Variants in PASD1 observed in about 807,000 individuals in gnomAD.
PASD1 encodes PAS domain containing repressor 1.
A neutral mutation model predicts 58.8 loss-of-function variants in PASD1; 13 were observed. The ratio of observed to expected loss-of-function variants is 0.22; its 90% confidence interval spans 0.14 to 0.35. The LOEUF is 0.35. PASD1 is among the 10% of genes least tolerant of loss of function. PASD1 has a pLI of 1.00. For synonymous variants in PASD1, 236 were observed against 216.7 expected (o/e 1.09, Z -0.78); for missense variants, 734 against 568.3 (o/e 1.29, Z -2.96).
intron 1 of PASD1, among the ~76,000 whole-genome samples, chrX:151,579,265 G>A (rs895944344): frequency 1.8e-5 from 2 of 112,014 alleles, no homozygotes; most frequent in Non-Finnish European, 3.8e-5. Flanking sequence ...ACCGGTAAAG[G>A]CTTCAAGTTT....
intron 14 of PASD1, chrX:151,673,625 C>G (rs758162107): frequency 5.7e-6 from 2 of 352,397 alleles, no homozygotes; most frequent in Non-Finnish European, 9.9e-6. Context: ...TGAGTGCTTT[C>G]AAAGTAGGTG....
chrX:151,620,035 C>A (rs1449272950), intron 4 of PASD1, among the ~76,000 whole-genome samples: 1 of 111,180 alleles, frequency 9.0e-6, no homozygotes, highest in African/African-American at 3.3e-5. Context: ...GAAGGTTATG[C>A]GTTTTTAGAA....
At chrX:151,591,693 AG>A (rs1308799206) in intron 1 of PASD1, among the ~76,000 whole-genome samples, 7 of 111,600 alleles carry the variant, frequency 6.3e-5, no homozygotes, top group Non-Finnish European at 1.3e-4. Flanking sequence ...AAAGTCCATT[AG>A]CAGTTAGGTG....
At chrX:151,583,158 T>C (rs759489313) in intron 1 of PASD1, among the ~76,000 whole-genome samples, 2 of 111,698 alleles carry the variant, frequency 1.8e-5, no homozygotes, top group Non-Finnish European at 3.8e-5. Context: ...GGCAGTACAC[T>C]ACAGCAAGTG....
In PASD1 at chrX:151,620,941, G is replaced by A. The variant is rs779829971; in HGVS notation, c.219G>A (p.Val73=). ...TCCTCTCCTGCCAGGCTGAGATTGT[G>A]GGCAAAAAATTATTAAGCCTTCTGC... ...SLLGHLPAEI[V]GKKLLSLLPD... Residue 73 remains valine, a synonymous_variant, in exon 5 of 16, where the codon GTG becomes GTA. Coordinates refer to ENST00000370357, the MANE Select transcript of PASD1 (RefSeq NM_173493.3). 1.0e-5 allele frequency: 12 copies of A among 1,204,916 alleles called. No homozygotes were observed. The highest frequency in any genetic ancestry group is 8.9e-5 in the South Asian group (5 of 55,918).
At chrX:151,594,483 A>T (rs1056524082) in intron 1 of PASD1, among the ~76,000 whole-genome samples, 5 of 111,369 alleles carry the variant, frequency 4.5e-5, no homozygotes, top group African/African-American at 1.3e-4. Context: ...GCAGTTTGTC[A>T]TATACATCTT....
intron 1 of PASD1, among the ~76,000 whole-genome samples, chrX:151,572,307 A>G (rs1358942233): frequency 9.0e-6 from 1 of 111,647 alleles, no homozygotes; most frequent in Non-Finnish European, 1.9e-5. Flanking sequence ...AACACCAGAC[A>G]CAGTGCCTTG....
chrX:151,637,095 T>TTGCA (rs2013940360), intron 8 of PASD1, among the ~76,000 whole-genome samples: 1 of 112,521 alleles, frequency 8.9e-6, no homozygotes, highest in Non-Finnish European at 1.9e-5. Flanking sequence ...TACTGATGAG[T>TTGCA]TGCATTTCAT....
intron 11 of PASD1, among the ~76,000 whole-genome samples, chrX:151,668,040 A>C (rs771841290): frequency 2.7e-4 from 30 of 111,269 alleles, no homozygotes; most frequent in Non-Finnish European, 5.5e-4. Context: ...TTGCAACACT[A>C]TGTTGAATAG....
At chrX:151,566,312 T>TAA (rs1462104770) in intron 1 of PASD1, among the ~76,000 whole-genome samples, 2 of 112,573 alleles carry the variant, frequency 1.8e-5, no homozygotes, top group African/African-American at 6.5e-5. Context: ...GTGATCAATT[T>TAA]ACCCTGGGTT....
chrX:151,618,855 G>A (rs1039802540), intron 4 of PASD1, among the ~76,000 whole-genome samples: 4 of 111,228 alleles, frequency 3.6e-5, no homozygotes, highest in South Asian at 3.8e-4. Context: ...GAGAGAGAGA[G>A]AGAGAAAGCA....
rs1317663794 is a variant in PASD1 at position 151,671,863 on chromosome X, G to A, written c.1437+84G>A. The A allele has an allele frequency of 8.1e-6, 8 of 991,690 alleles. No individual in the cohort carries two copies. The East Asian group carries it at 2.5e-4, about 31-fold the overall frequency. The allele number at this position is 991,690 out of a possible 1,213,427, so 81.7% of individuals were successfully genotyped here. A position where few individuals can be genotyped will look rare whatever the true frequency, so the allele number is the denominator to read the frequency against. ...TTGACTCACTTGGTTCTCCTTAGGGGGTAGTGACTATCCACTTGGCTGCAA... is the reference window on the plus strand; with the variant it reads ...TTGACTCACTTGGTTCTCCTTAGGGAGTAGTGACTATCCACTTGGCTGCAA... On this transcript the variant is annotated intron_variant, in intron 13 of 15. Coordinates refer to ENST00000370357, the MANE Select transcript of PASD1 (RefSeq NM_173493.3).
At chrX:151,674,413 C>CA (rs2014518853) in intron 15 of PASD1, among the ~76,000 whole-genome samples, 1 of 112,575 alleles carries the variant, frequency 8.9e-6, no homozygotes, top group Admixed American at 9.3e-5. Context: ...ACCTTAGACG[C>CA]AATCTGACTG....
intron 1 of PASD1, among the ~76,000 whole-genome samples, chrX:151,576,250 C>T (rs763795313): frequency 2.4e-4 from 27 of 111,380 alleles, no homozygotes; most frequent in Non-Finnish European, 4.5e-4. Context: ...AAGCGATCCT[C>T]CTGCCTCACC....
chrX:151,570,015 G>C (rs2012903724), intron 1 of PASD1, among the ~76,000 whole-genome samples: 1 of 111,235 alleles, frequency 9.0e-6, no homozygotes, highest in African/African-American at 3.3e-5. Context: ...ATTTTTATGT[G>C]TGGACATAGC....
chrX:151,659,926 T>C, intron 10 of PASD1, 90 bp downstream of exon 10: 1 of 848,208 alleles, frequency 1.2e-6, no homozygotes, highest in African/African-American at 2.0e-5. Flanking sequence ...AATATAATGC[T>C]CTATAATACT....
At chrX:151,664,048 G>C (rs2014343385) in intron 10 of PASD1, 71 bp from the exon 11 acceptor site, 2 of 1,183,282 alleles carry the variant, frequency 1.7e-6, no homozygotes, top group Admixed American at 4.6e-5. Context: ...AATGACCCTC[G>C]TACAGTCTTT....
At chrX:151,659,681 A>G (rs1333737523) in intron 9 of PASD1, 32 bp from the exon 10 acceptor site, 3 of 1,162,765 alleles carry the variant, frequency 2.6e-6, no homozygotes, top group Admixed American at 2.5e-5. Context: ...CCAAAATGCA[A>G]TGTCCTATCT....
intron 9 of PASD1, among the ~76,000 whole-genome samples, chrX:151,659,021 C>G (rs1281695044): frequency 8.9e-6 from 1 of 112,372 alleles, no homozygotes; most frequent in African/African-American, 3.2e-5. Flanking sequence ...GATTCTATCT[C>G]TCACTCTGCT....
Sources: allele counts gnomAD v4.1 joint callset (sites outside exome capture counted in the v4.1 genomes callset), GRCh38; gene constraint gnomAD v4.1.1; transcripts MANE v1.5; gene names NCBI Gene and HGNC (gene_info 2026-07-23, HGNC 2026-07-21).